Variants in STAT1 observed in about 807,000 individuals in gnomAD.
STAT1 encodes the protein signal transducer and activator of transcription 1.
In STAT1, 24 loss-of-function variants were observed where a neutral mutation model predicts 111.7. The observed-to-expected ratio is 0.21, with a 90% CI of 0.16 to 0.30. The LOEUF is 0.30. STAT1 is among the 10% of genes least tolerant of loss of function. The pLI is 1.00. For missense variants in STAT1, 351 were observed against 911.9 expected (o/e 0.38, Z 7.92); for synonymous variants, 332 against 326.5 (o/e 1.02, Z -0.18).
At chr2:191,009,204 ATAATT>A in intron 3 of STAT1, 97 bp from the exon 4 acceptor site, 1 of 1,392,046 alleles carries the variant, frequency 7.2e-7, no homozygotes, top group Non-Finnish European at 9.9e-7. Flanking sequence ...ATTATTAAAA[ATAATT>A]TAAGTATTTT....
At position 190,983,552 on chromosome 2, in the gene STAT1, A is replaced by G; in HGVS notation, c.1446+90T>C. On this transcript the variant is annotated intron_variant, in intron 17 of 24. Coordinates refer to ENST00000361099, the MANE Select transcript of STAT1 (RefSeq NM_007315.4). This position sits in a 1 kb window ranked among gnomAD's most constrained non-coding sequence, Gnocchi z 5.7. ...GAGCTTTGTCACTTCTCCCTTAACAACTGGCCATTGGGGCTATTTCAGAGA... is the reference window on the plus strand; with the variant it reads ...GAGCTTTGTCACTTCTCCCTTAACAGCTGGCCATTGGGGCTATTTCAGAGA... The G allele has an allele frequency of 8.8e-7, 1 of 1,138,192 alleles. No homozygotes were observed. Among genetic ancestry groups the G allele is most frequent in the Non-Finnish European group, 1.3e-6 (1 of 748,128 alleles). 70.5% of individuals were successfully genotyped at this position (1,138,192 alleles called of 1,614,324 possible).
chr2:190,993,652 A>G lies in STAT1; in HGVS notation c.944+1409T>C. 1.9e-6 allele frequency: 1 copy of G among 532,406 alleles called. No individual in the cohort carries two copies. Among genetic ancestry groups the G allele is most frequent in the Admixed American group, 2.3e-5 (1 of 42,820 alleles). 33.0% of individuals were successfully genotyped at this position (532,406 alleles called of 1,614,324 possible). Reference sequence around the variant, plus strand: ...TCTCTGCACCACGGGTAACTGAAGGAAAGGAATGAGATAGGCTGTTCTGGG... The same window carrying G: ...TCTCTGCACCACGGGTAACTGAAGGGAAGGAATGAGATAGGCTGTTCTGGG... On this transcript the variant is annotated intron_variant, in intron 10 of 24. Coordinates refer to ENST00000361099, the MANE Select transcript of STAT1 (RefSeq NM_007315.4). This position sits in a 1 kb window ranked among gnomAD's most constrained non-coding sequence, Gnocchi z 4.1.
At position 190,996,158 on chromosome 2, in the gene STAT1, A is replaced by C. The variant is rs1449767562; in HGVS notation, c.786-939T>G. Among the ~76,000 whole-genome samples, 1 of 152,210 alleles carries C rather than the reference A, an allele frequency of 6.6e-6. No individual in the cohort carries two copies. The highest frequency in any genetic ancestry group is 1.5e-5 in the Non-Finnish European group (1 of 68,020). ...AGGCAGTATGCTCAGTCTAGACCCTAAACATAAAAAGCCAATGAGTAAACC... is the reference window on the plus strand; with the variant it reads ...AGGCAGTATGCTCAGTCTAGACCCTCAACATAAAAAGCCAATGAGTAAACC... On this transcript the variant is annotated intron_variant, in intron 9 of 24. Coordinates refer to ENST00000361099, the MANE Select transcript of STAT1 (RefSeq NM_007315.4). The surrounding 1 kb of genome is among the most constrained non-coding windows in gnomAD (Gnocchi z 4.5).
chr2:191,006,867 T>C lies in STAT1; in HGVS notation c.372+696A>G, dbSNP rs1394326754. On this transcript the variant is annotated intron_variant, in intron 5 of 24. Transcript: ENST00000361099. This position sits in a 1 kb window ranked among gnomAD's most constrained non-coding sequence, Gnocchi z 4.6. ...ATGCCTTGAATATTTAATAGGTATCTTGATGTTGCTCAAAACAAAGCCCTT... is the reference window on the plus strand; with the variant it reads ...ATGCCTTGAATATTTAATAGGTATCCTGATGTTGCTCAAAACAAAGCCCTT... 6.6e-6 allele frequency among the ~76,000 whole-genome samples: 1 copy of C among 152,246 alleles called. No individual in the cohort carries two copies. Among genetic ancestry groups the C allele is most frequent in the East Asian group, 1.9e-4 (1 of 5,208 alleles).
rs757200047 is a variant in STAT1, at chr2:191,007,698, T to TG, written c.274-38dup. The stretch of plus-strand genomic sequence containing the variant: ...TGGTTAGAACAAAAATAAATTAAAA[T>TG]GCAGAATGTTTACTTTATTGTGTAT... On this transcript the variant is annotated intron_variant, in intron 4 of 24. Coordinates refer to ENST00000361099, the MANE Select transcript of STAT1 (RefSeq NM_007315.4). This position sits in a 1 kb window ranked among gnomAD's most constrained non-coding sequence, Gnocchi z 4.2. 6 of 1,432,802 alleles carry TG rather than the reference T, an allele frequency of 4.2e-6. No individual in the cohort carries two copies. In the African/African-American group the frequency reaches 8.4e-5, roughly 20 times the overall value. 88.8% of individuals were successfully genotyped at this position (1,432,802 alleles called of 1,614,324 possible).
In STAT1 at chr2:190,984,069, A is replaced by G. The variant is rs1274715844; in HGVS notation, c.1347+241T>C. Among the ~76,000 whole-genome samples the G allele has an allele frequency of 6.7e-6, 1 of 150,146 alleles. No individual in the cohort carries two copies. Among genetic ancestry groups the G allele is most frequent in the Non-Finnish European group, 1.5e-5 (1 of 67,364 alleles). On this transcript the variant is annotated intron_variant, in intron 16 of 24. Transcript: ENST00000361099. The surrounding 1 kb of genome is among the most constrained non-coding windows in gnomAD (Gnocchi z 5.2). ...TAAATAAGTCCCAATGCTTAATGTA[A>G]AAAAAAAAAATTAACATCAGCGATC...
Position 190,979,074 on chromosome 2 carries a change from C to T in STAT1, c.1728-73G>A. ...TTCCATTTTCATGCTAACTTACAAA[C>T]CAAGAAAATGGCTGGAATGTGAGAA... On this transcript the variant is annotated intron_variant, in intron 20 of 24. Transcript: ENST00000361099. The surrounding 1 kb of genome is among the most constrained non-coding windows in gnomAD (Gnocchi z 5.8). The T allele has an allele frequency of 6.3e-7, 1 of 1,592,936 alleles. No individual in the cohort carries two copies. Among genetic ancestry groups the T allele is most frequent in the South Asian group, 1.1e-5 (1 of 89,292 alleles).
chr2:190,988,050 G>A (rs914530510), intron 12 of STAT1, among the ~76,000 whole-genome samples: 5 of 152,158 alleles, frequency 3.3e-5, no homozygotes, highest in African/African-American at 7.2e-5. Flanking sequence ...TGCTTCCTCC[G>A]TTTAGGAAGT....
intron 5 of STAT1, among the ~76,000 whole-genome samples, chr2:191,001,872 G>C (rs1194230451): frequency 6.6e-6 from 1 of 152,176 alleles, no homozygotes; most frequent in Non-Finnish European, 1.5e-5. Flanking sequence ...TCGGGTGTTA[G>C]AGTGGTAACC....
At chr2:190,994,914 CAAA>C (rs1220419590) in intron 10 of STAT1, 144 bp downstream of exon 10, 18 of 97,254 alleles carry the variant, frequency 1.9e-4, no homozygotes, top group African/African-American at 8.1e-4. Context: ...GACTCTATCT[CAAA>C]AAAAAAAAAA....
rs931002909 is a variant in STAT1, at chr2:190,982,651, G to A, written c.1447-133C>T. 85 of 925,560 alleles carry A rather than the reference G, an allele frequency of 9.2e-5. No homozygotes were observed. The highest frequency in any genetic ancestry group is 5.1e-4 in the African/African-American group (31 of 60,498). The allele number at this position is 925,560 out of a possible 1,614,324, so 57.3% of individuals were successfully genotyped here. On this transcript the variant is annotated intron_variant, in intron 17 of 24. Coordinates refer to ENST00000361099, the MANE Select transcript of STAT1 (RefSeq NM_007315.4). The surrounding 1 kb of genome is among the most constrained non-coding windows in gnomAD (Gnocchi z 7.3). ...CACAGGTGCTTTCACAGTAGGGGAA[G>A]AGAAATACAGTCAATTTTCATTATT...
chr2:190,990,765 G>A lies in STAT1; in HGVS notation c.1037+463C>T, dbSNP rs1456476018. Among the ~76,000 whole-genome samples the A allele has an allele frequency of 1.3e-5, 2 of 152,112 alleles. No homozygotes were observed. Among genetic ancestry groups the A allele is most frequent in the Admixed American group, 6.6e-5 (1 of 15,266 alleles). ...CAGACACTAGGCCATTTACTGTGGT[G>A]GTCCACAGATATTTATATCACGGAC... On this transcript the variant is annotated intron_variant, in intron 11 of 24. Coordinates refer to ENST00000361099, the MANE Select transcript of STAT1 (RefSeq NM_007315.4). This position sits in a 1 kb window ranked among gnomAD's most constrained non-coding sequence, Gnocchi z 5.1.
In STAT1 at chr2:190,969,840, G is replaced by C. The variant is rs1171326918; in HGVS notation, c.*863C>G. The C allele has an allele frequency of 6.6e-6, 1 of 152,140 alleles. No individual in the cohort carries two copies. The highest frequency in any genetic ancestry group is 2.4e-5 in the African/African-American group (1 of 41,436). The allele number at this position is 152,140 out of a possible 1,614,324, so 9.4% of individuals were successfully genotyped here. A position where few individuals can be genotyped will look rare whatever the true frequency, so the allele number is the denominator to read the frequency against. On this transcript the variant is annotated 3_prime_UTR_variant, in exon 25 of 25. Coordinates refer to ENST00000361099, the MANE Select transcript of STAT1 (RefSeq NM_007315.4). The stretch of plus-strand genomic sequence containing the variant: ...TTTAAGAAACATGAATTAAATTTCT[G>C]AGTTTATCTACATCTATGGTTAATT...
Position 190,993,813 on chromosome 2 carries a change from T to C in STAT1, c.944+1248A>G, listed in dbSNP as rs1158914387. Among the ~76,000 whole-genome samples the C allele has an allele frequency of 2.0e-5, 3 of 151,894 alleles. No homozygotes were observed. Among genetic ancestry groups the C allele is most frequent in the Non-Finnish European group, 4.4e-5 (3 of 67,970 alleles). On this transcript the variant is annotated intron_variant, in intron 10 of 24. Coordinates refer to ENST00000361099, the MANE Select transcript of STAT1 (RefSeq NM_007315.4). This position sits in a 1 kb window ranked among gnomAD's most constrained non-coding sequence, Gnocchi z 4.1. ...ATTAAAAAAAAAAAAACTTGCAATA[T>C]GAACCCTTCTTTTCCACTCAGTGAC...
In STAT1 at chr2:191,009,947, G is replaced by A. The variant is rs751437972; in HGVS notation, c.57C>T (p.His19=). Residue 19 remains histidine (H), a synonymous_variant, in exon 3 of 25, where the codon CAC becomes CAT. Coordinates refer to ENST00000361099, the MANE Select transcript of STAT1 (RefSeq NM_007315.4). ...TGGGAAAACTGTCATCATAAAGCTGGTGAACCTGCTCCAGGAATTTTGAGT... is the reference window on the plus strand; with the variant it reads ...TGGGAAAACTGTCATCATAAAGCTGATGAACCTGCTCCAGGAATTTTGAGT... ...QLDSKFLEQV[H]QLYDDSFPME... is the part of the protein sequence containing the mutation. 4 of 1,613,876 alleles carry A rather than the reference G, an allele frequency of 2.5e-6. No individual in the cohort carries two copies. The highest frequency in any genetic ancestry group is 1.1e-5 in the South Asian group (1 of 91,072).
chr2:191,001,730 T>C (rs1301927818), intron 5 of STAT1, among the ~76,000 whole-genome samples: 2 of 152,210 alleles, frequency 1.3e-5, no homozygotes, highest in Non-Finnish European at 2.9e-5. Context: ...AAACCCAGAC[T>C]TGCCTGGGAG....
intron 10 of STAT1, among the ~76,000 whole-genome samples, chr2:190,991,651 G>A (rs1057358610): frequency 2.0e-5 from 3 of 152,062 alleles, no homozygotes; most frequent in East Asian, 1.9e-4. Flanking sequence ...TTGAGCCCAG[G>A]AGTTCAAGAC....
rs1316842389 is a variant in STAT1, at chr2:190,989,437, G to A, written c.1097+178C>T. Among the ~76,000 whole-genome samples, 1 of 152,228 alleles carries A rather than the reference G, an allele frequency of 6.6e-6. No individual in the cohort carries two copies. On this transcript the variant is annotated intron_variant, in intron 12 of 24. Transcript: ENST00000361099. This position sits in a 1 kb window ranked among gnomAD's most constrained non-coding sequence, Gnocchi z 5.0. ...GATCTGACTAGAAGTCTCTGCTCATGCGCAGCATTGTCAGGACTCTGGGTT... is the reference window on the plus strand; with the variant it reads ...GATCTGACTAGAAGTCTCTGCTCATACGCAGCATTGTCAGGACTCTGGGTT...
In STAT1 at chr2:190,998,093, C is replaced by A; in HGVS notation, c.634-86G>T. The A allele has an allele frequency of 6.4e-7, 1 of 1,571,568 alleles. No individual in the cohort carries two copies. Among genetic ancestry groups the A allele is most frequent in the South Asian group, 1.1e-5 (1 of 88,486 alleles). ...TATTTTTTAAAAGAAAAGCAAATAT[C>A]ATTTCATTCTCAACTGGGGCTCTAA... On this transcript the variant is annotated intron_variant, in intron 8 of 24. Coordinates refer to ENST00000361099, the MANE Select transcript of STAT1 (RefSeq NM_007315.4). This position sits in a 1 kb window ranked among gnomAD's most constrained non-coding sequence, Gnocchi z 4.1.
Sources: gnomAD v4.1 joint callset for allele counts (sites outside exome capture counted in the v4.1 genomes callset) on GRCh38, gnomAD v4.1.1 for gene constraint, Gnocchi (gnomAD v3.1) non-coding constraint, MANE v1.5 for transcripts, NCBI Gene and HGNC (gene_info 2026-07-23, HGNC 2026-07-21) for gene names.